Variants in RNGTT observed in about 807,000 individuals in gnomAD.
RNGTT encodes mRNA-capping enzyme.
In RNGTT, 33 loss-of-function variants were observed where a neutral mutation model predicts 79.3. The observed-to-expected ratio is 0.42, with a 90% CI of 0.32 to 0.56. RNGTT has a LOEUF of 0.56. RNGTT is among the 20% of genes least tolerant of loss of function. The pLI, the probability that RNGTT is intolerant of heterozygous loss-of-function variation, is 0.17. For missense variants in RNGTT, 497 were observed against 739.1 expected (o/e 0.67, Z 3.80); for synonymous variants, 222 against 235.9 (o/e 0.94, Z 0.54).
chr6:88,960,629 TAA>T (rs1189732134), intron 1 of RNGTT, among the ~76,000 whole-genome samples: 3 of 152,178 alleles, frequency 2.0e-5, no homozygotes, highest in East Asian at 3.8e-4. Context: ...AAAGAAATTA[TAA>T]GTTTGTTTTC....
chr6:88,937,388 G>T (rs974842351), intron 2 of RNGTT, among the ~76,000 whole-genome samples: 2 of 151,784 alleles, frequency 1.3e-5, no homozygotes, highest in Non-Finnish European at 2.9e-5. Flanking sequence ...TATTTCTGTG[G>T]TATCAACTGT....
chr6:88,853,044 C>T (rs1781722413), intron 9 of RNGTT, among the ~76,000 whole-genome samples: 1 of 152,148 alleles, frequency 6.6e-6, no homozygotes, highest in Admixed American at 6.5e-5. Context: ...CATATTTGAC[C>T]AGAGCACTCA....
intron 4 of RNGTT, among the ~76,000 whole-genome samples, chr6:88,908,513 A>C (rs894276576): frequency 1.3e-5 from 2 of 152,166 alleles, no homozygotes; most frequent in Non-Finnish European, 2.9e-5. Flanking sequence ...AGAGGGAAGA[A>C]GCGACGTAGA....
At chr6:88,742,725 T>C (rs1281472871) in intron 13 of RNGTT, among the ~76,000 whole-genome samples, 1 of 152,220 alleles carries the variant, frequency 6.6e-6, no homozygotes, top group Non-Finnish European at 1.5e-5. Context: ...TACATTACAA[T>C]AGCTAACTGT....
intron 14 of RNGTT, among the ~76,000 whole-genome samples, chr6:88,660,915 G>A (rs75281693): frequency 0.025 from 3,767 of 152,156 alleles, 141 homozygotes; most frequent in African/African-American, 0.086. Context: ...CATAAGATAG[G>A]TCACAAAACA....
intron 14 of RNGTT, among the ~76,000 whole-genome samples, chr6:88,675,502 G>T (rs1774835210): frequency 6.6e-6 from 1 of 152,024 alleles, no homozygotes; most frequent in Non-Finnish European, 1.5e-5. Context: ...GACCAACCTG[G>T]CCAACAGAGC....
chr6:88,721,265 T>G (rs1308856740), intron 13 of RNGTT, among the ~76,000 whole-genome samples: 1 of 152,116 alleles, frequency 6.6e-6, no homozygotes, highest in African/African-American at 2.4e-5. Flanking sequence ...CACCACTTGG[T>G]GGGCAATTGT....
intron 2 of RNGTT, among the ~76,000 whole-genome samples, chr6:88,937,277 G>A (rs1283501135): frequency 6.6e-6 from 1 of 151,996 alleles, no homozygotes; most frequent in East Asian, 1.9e-4. Flanking sequence ...ACCTGGGAGT[G>A]GAGGTCACAG....
chr6:88,956,035 T>G (rs1445153681), intron 1 of RNGTT, among the ~76,000 whole-genome samples: 1 of 118,128 alleles, frequency 8.5e-6, no homozygotes, highest in Non-Finnish European at 1.6e-5. Flanking sequence ...AGCGAGACTC[T>G]GTCTCAAAAA....
At chr6:88,675,780 C>T (rs183781085) in intron 14 of RNGTT, among the ~76,000 whole-genome samples, 2 of 150,664 alleles carry the variant, frequency 1.3e-5, no homozygotes, top group East Asian at 3.9e-4. Flanking sequence ...AAATCCTGCC[C>T]AAGTGTCAGG....
At chr6:88,902,648 G>A (rs916306700) in intron 6 of RNGTT, among the ~76,000 whole-genome samples, 1 of 143,566 alleles carries the variant, frequency 7.0e-6, no homozygotes, top group Non-Finnish European at 1.5e-5. Context: ...AGTGACAAAA[G>A]TACTAATATA....
At chr6:88,942,698 T>C (rs1297281128) in intron 1 of RNGTT, among the ~76,000 whole-genome samples, 3 of 152,156 alleles carry the variant, frequency 2.0e-5, no homozygotes, top group African/African-American at 4.8e-5. Flanking sequence ...ATAAAAACAA[T>C]ATTATCTGCC....
intron 11 of RNGTT, among the ~76,000 whole-genome samples, chr6:88,824,460 T>C (rs1780590882): frequency 6.6e-6 from 1 of 152,210 alleles, no homozygotes; most frequent in African/African-American, 2.4e-5. Flanking sequence ...CACTGTTAAG[T>C]GGCACACAAC....
intron 14 of RNGTT, among the ~76,000 whole-genome samples, chr6:88,672,666 A>G (rs1774700117): frequency 6.6e-6 from 1 of 152,186 alleles, no homozygotes; most frequent in East Asian, 1.9e-4. Context: ...GAACTTATCT[A>G]TGTAACTAAA....
intron 13 of RNGTT, among the ~76,000 whole-genome samples, chr6:88,769,161 G>T (rs1778563496): frequency 6.6e-6 from 1 of 151,694 alleles, no homozygotes; most frequent in African/African-American, 2.4e-5. Context: ...TTTCTTTGGG[G>T]GGAGGTGTGC....
chr6:88,644,801 A>C (rs180785103), intron 14 of RNGTT, among the ~76,000 whole-genome samples: 35 of 152,350 alleles, frequency 2.3e-4, no homozygotes, highest in Admixed American at 2.2e-3. Flanking sequence ...AAAATTCAAC[A>C]GCGCTTCATG....
intron 13 of RNGTT, among the ~76,000 whole-genome samples, chr6:88,678,895 A>C (rs1319580348): frequency 6.6e-6 from 1 of 152,158 alleles, no homozygotes; most frequent in Non-Finnish European, 1.5e-5. Context: ...TGAATAACAC[A>C]AGTTTGAACA....
At chr6:88,715,707 A>G (rs1776486225) in intron 13 of RNGTT, among the ~76,000 whole-genome samples, 1 of 152,166 alleles carries the variant, frequency 6.6e-6, no homozygotes, top group African/African-American at 2.4e-5. Context: ...CAAAAACAAG[A>G]AATGGGGAAA....
rs114987418 is a variant in RNGTT at position 88,909,393 on chromosome 6, C to T, written c.368-2953G>A. Among the ~76,000 whole-genome samples, 272 of 152,272 alleles carry T rather than the reference C, an allele frequency of 1.8e-3. 1 individual carries two copies. The highest frequency in any genetic ancestry group is 6.4e-3 in the African/African-American group (265 of 41,564). ...ACACACATACGGTGCCACTTCCCTG[C>T]CTGAGGATCTACCACCCTTGCTTGA... On this transcript the variant is annotated intron_variant, in intron 4 of 15. Transcript: ENST00000369485.
Sources: allele counts gnomAD v4.1 joint callset (sites outside exome capture counted in the v4.1 genomes callset), GRCh38; gene constraint gnomAD v4.1.1; transcripts MANE v1.5; gene names NCBI Gene and HGNC (gene_info 2026-07-23, HGNC 2026-07-21).